The following CXADR variants were observed in gnomAD, a reference collection of about 807,000 sequenced individuals.
CXADR encodes coxsackievirus and adenovirus receptor.
A neutral mutation model predicts 40.3 loss-of-function variants in CXADR; 20 were observed. The observed-to-expected ratio is 0.50, with a 90% CI of 0.35 to 0.72. The LOEUF is 0.72. Among genes scored for constraint, CXADR ranks in the 30% least tolerant of loss-of-function variants. CXADR has a pLI of 0.01. For synonymous variants in CXADR, 150 were observed against 161.3 expected (o/e 0.93, Z 0.53); for missense variants, 332 against 449.1 (o/e 0.74, Z 2.36).
At chr21:17,632,643 G>A in the CXADR span, among the ~76,000 whole-genome samples, 6 of 152,096 alleles carry the variant, frequency 3.9e-5, no homozygotes, top group Admixed American at 2.6e-4. Flanking sequence ...CGAGGCGGGC[G>A]GATCACGAGG....
chr21:17,521,418 G>A (rs2060528643), intron 1 of CXADR, among the ~76,000 whole-genome samples: 2 of 152,132 alleles, frequency 1.3e-5, no homozygotes, highest in Admixed American at 1.3e-4. Context: ...CACCTCCTGG[G>A]TTCAAGCGAT....
At chr21:17,571,234 G>C (rs2061275062), downstream of CXADR, among the ~76,000 whole-genome samples, 1 of 152,166 alleles carries the variant, frequency 6.6e-6, no homozygotes, top group African/African-American at 2.4e-5. Context: ...CTTTGCTTCA[G>C]TTTCCTAGTG....
chr21:17,544,860 A>G (rs1210514979), intron 1 of CXADR, among the ~76,000 whole-genome samples: 1 of 152,180 alleles, frequency 6.6e-6, no homozygotes, highest in Non-Finnish European at 1.5e-5. Flanking sequence ...TTTAGTTCTC[A>G]GTCTATTGGC....
At chr21:17,528,543 C>A (rs765021315) in intron 1 of CXADR, among the ~76,000 whole-genome samples, 26 of 151,542 alleles carry the variant, frequency 1.7e-4, no homozygotes, top group Non-Finnish European at 3.1e-4. Flanking sequence ...GTAGCTGGGA[C>A]TACAGGCATG....
chr21:17,583,142 AATT>A (rs1332293913), intron 7 of CXADR, among the ~76,000 whole-genome samples: 1 of 152,194 alleles, frequency 6.6e-6, no homozygotes, highest in African/African-American at 2.4e-5. Flanking sequence ...CACAAAGTAA[AATT>A]AAACAATTAC....
chr21:17,522,725 C>G (rs1465534613), intron 1 of CXADR, among the ~76,000 whole-genome samples: 2 of 152,128 alleles, frequency 1.3e-5, no homozygotes, highest in South Asian at 4.1e-4. Flanking sequence ...TTGTATGGTC[C>G]ATTTCCTTCG....
At chr21:17,545,873 A>G (rs959523967) in intron 1 of CXADR, among the ~76,000 whole-genome samples, 16 of 149,150 alleles carry the variant, frequency 1.1e-4, no homozygotes, top group African/African-American at 3.7e-4. Context: ...TCCGCCTCCC[A>G]GGTTCAAGCA....
At chr21:17,518,122 G>A (rs115890089) in intron 1 of CXADR, among the ~76,000 whole-genome samples, 4,522 of 152,188 alleles carry the variant, frequency 0.03, 232 homozygotes, top group African/African-American at 0.1. Context: ...AGGGGGAAAA[G>A]AAAAGTAACA....
intron 7 of CXADR, among the ~76,000 whole-genome samples, chr21:17,583,312 G>C (rs1301782703): frequency 2.0e-5 from 3 of 151,772 alleles, no homozygotes; most frequent in Non-Finnish European, 4.4e-5. Flanking sequence ...ATGGGCAAAA[G>C]ATTTGTGGTA....
chr21:17,594,326 C>A, downstream of CXADR: 2 of 1,612,594 alleles, frequency 1.2e-6, no homozygotes, highest in Non-Finnish European at 1.7e-6. Flanking sequence ...AATATAAGTT[C>A]TGAAATCTGT....
At chr21:17,628,546 G>C in the CXADR span, among the ~76,000 whole-genome samples, 7 of 152,302 alleles carry the variant, frequency 4.6e-5, no homozygotes, top group Admixed American at 2.6e-4. Flanking sequence ...TGTCGTCCAG[G>C]CTGGAATGCA....
chr21:17,601,023 C>T, the CXADR span, among the ~76,000 whole-genome samples: 4 of 152,086 alleles, frequency 2.6e-5, no homozygotes, highest in South Asian at 8.3e-4. Flanking sequence ...ATTAGCCGGG[C>T]ATGGTGGTGT....
chr21:17,617,640 T>G, the CXADR span, among the ~76,000 whole-genome samples: 1 of 152,222 alleles, frequency 6.6e-6, no homozygotes, highest in Non-Finnish European at 1.5e-5. Flanking sequence ...GCAGTAGCAT[T>G]GTGTCTAAAA....
intron 5 of CXADR, 135 bp from the exon 6 acceptor site, chr21:17,561,203 C>A: frequency 3.5e-6 from 2 of 575,370 alleles, no homozygotes; most frequent in Non-Finnish European, 2.8e-6. Flanking sequence ...AATTTTTCCC[C>A]CGGATCAAAA....
the CXADR span, among the ~76,000 whole-genome samples, chr21:17,625,706 T>G: frequency 6.6e-6 from 1 of 152,190 alleles, no homozygotes; most frequent in African/African-American, 2.4e-5. Context: ...TCAGGACATA[T>G]ACCATTTGCA....
At chr21:17,541,279 G>A (rs1048178527) in intron 1 of CXADR, among the ~76,000 whole-genome samples, 1 of 152,098 alleles carries the variant, frequency 6.6e-6, no homozygotes, top group African/African-American at 2.4e-5. Flanking sequence ...CCGGCTGGGC[G>A]CGGTGGCTCA....
At chr21:17,599,601 T>G in the CXADR span, among the ~76,000 whole-genome samples, 1 of 151,826 alleles carries the variant, frequency 6.6e-6, no homozygotes, top group Non-Finnish European at 1.5e-5. Context: ...TGCCTCAGCC[T>G]CCTAAGTAGC....
At chr21:17,574,896 TG>T (rs2061307524), downstream of CXADR, among the ~76,000 whole-genome samples, 1 of 152,000 alleles carries the variant, frequency 6.6e-6, no homozygotes, top group South Asian at 2.1e-4. Flanking sequence ...TTACCAAGGA[TG>T]TGTGTGATAT....
intron 7 of CXADR, among the ~76,000 whole-genome samples, chr21:17,591,745 C>G (rs1159227221): frequency 6.6e-6 from 1 of 151,842 alleles, no homozygotes; most frequent in Non-Finnish European, 1.5e-5. Flanking sequence ...CCCGATAAGG[C>G]TTTCAAGCTG....
Sources: gnomAD v4.1 joint callset for allele counts (sites outside exome capture counted in the v4.1 genomes callset) on GRCh38, gnomAD v4.1.1 for gene constraint, MANE v1.5 for transcripts, NCBI Gene and HGNC (gene_info 2026-07-23, HGNC 2026-07-21) for gene names.